The following VEPH1 variants were observed in gnomAD, a reference collection of about 807,000 sequenced individuals.
The protein encoded by VEPH1 is ventricular zone expressed PH domain containing 1.
VEPH1 carries 80 observed loss-of-function variants against 85.2 expected under a neutral mutation model. The ratio of observed to expected loss-of-function variants is 0.94; its 90% CI spans 0.78 to 1.13. VEPH1 has a LOEUF of 1.13. VEPH1 is among the 50% of genes most tolerant of loss of function. The pLI, the probability that VEPH1 is intolerant of heterozygous loss-of-function variation, is 0.00. For missense variants in VEPH1, 955 were observed against 980.5 expected (o/e 0.97, Z 0.35); for synonymous variants, 297 against 348.0 (o/e 0.85, Z 1.63).
intron 12 of VEPH1, among the ~76,000 whole-genome samples, chr3:157,267,256 C>T (rs1022415471): frequency 2.0e-5 from 3 of 151,402 alleles, no homozygotes; most frequent in Non-Finnish European, 2.9e-5. Context: ...CCACCACGCT[C>T]GGCTAAATTT....
intron 4 of VEPH1, chr3:157,443,667 A>G (rs2109252175): frequency 6.6e-6 from 1 of 152,402 alleles, no homozygotes; most frequent in South Asian, 2.1e-4. Context: ...AAAGTAGGCA[A>G]TTAGTTTTCA....
Position 157,414,107 on chromosome 3 carries a change from G to A in VEPH1, c.697-17C>T, listed in dbSNP as rs1189449891. On this transcript the variant is annotated splice_polypyrimidine_tract_variant and intron_variant, in intron 5 of 13. Coordinates refer to ENST00000362010, the MANE Select transcript of VEPH1 (RefSeq NM_001167912.2). ...CTGAACTACCTATAAAGAGAGAGGA[G>A]AGGAGGAGGGAAGAAAGAAGGAAGA... The A allele has an allele frequency of 1.3e-6, 2 of 1,543,618 alleles. No individual in the cohort carries two copies. Among genetic ancestry groups the A allele is most frequent in the Non-Finnish European group, 1.8e-6 (2 of 1,126,014 alleles).
intron 4 of VEPH1, among the ~76,000 whole-genome samples, chr3:157,458,463 T>C (rs1297271856): frequency 6.6e-6 from 1 of 152,204 alleles, no homozygotes; most frequent in Non-Finnish European, 1.5e-5. Context: ...CACTTTTTAA[T>C]GGGGCTATTT....
intron 11 of VEPH1, among the ~76,000 whole-genome samples, chr3:157,310,362 G>A (rs1357191132): frequency 3.3e-5 from 5 of 152,138 alleles, no homozygotes; most frequent in Non-Finnish European, 7.3e-5. Context: ...TGAGAGCTCT[G>A]TATTAACTCA....
At chr3:157,326,500 C>T (rs1037951323) in intron 9 of VEPH1, among the ~76,000 whole-genome samples, 14 of 152,172 alleles carry the variant, frequency 9.2e-5, no homozygotes, top group Non-Finnish European at 1.8e-4. Flanking sequence ...TCTAAATTTC[C>T]TTACCTCCCT....
In VEPH1 at chr3:157,414,894, T is replaced by G. The variant is rs576003450; in HGVS notation, c.697-804A>C. ...TTTGTTTGTTTCTTTTGTTTGTGTT[T>G]TATTTACTTTATTGATTTGTCATTT... On this transcript the variant is annotated intron_variant, in intron 5 of 13. Transcript: ENST00000362010. 1.6e-4 allele frequency among the ~76,000 whole-genome samples: 25 copies of G among 152,284 alleles called. No individual in the cohort carries two copies. In the South Asian group the frequency reaches 5.0e-3, roughly 30 times the overall value.
chr3:157,296,410 C>T (rs539156832), intron 11 of VEPH1, among the ~76,000 whole-genome samples: 32 of 152,254 alleles, frequency 2.1e-4, no homozygotes, highest in African/African-American at 7.0e-4. Flanking sequence ...AAAGGTTCTG[C>T]GTGTGTATGC....
intron 12 of VEPH1, among the ~76,000 whole-genome samples, chr3:157,266,477 G>T (rs1713662978): frequency 6.6e-6 from 1 of 152,172 alleles, no homozygotes; most frequent in South Asian, 2.1e-4. Context: ...ATTATCATTT[G>T]TAGATAGATA....
chr3:157,395,537 G>A (rs935042752), intron 6 of VEPH1, among the ~76,000 whole-genome samples: 1 of 152,148 alleles, frequency 6.6e-6, no homozygotes, highest in African/African-American at 2.4e-5. Context: ...TGGGGAAAGA[G>A]CCTGAATGGT....
chr3:157,416,443 T>G (rs557271808), intron 5 of VEPH1, among the ~76,000 whole-genome samples: 1 of 152,304 alleles, frequency 6.6e-6, no homozygotes, highest in East Asian at 1.9e-4. Flanking sequence ...AGGGAGCAAT[T>G]GTATGTCCTT....
intron 12 of VEPH1, among the ~76,000 whole-genome samples, chr3:157,284,100 T>C (rs1716477079): frequency 6.6e-6 from 1 of 152,176 alleles, no homozygotes; most frequent in African/African-American, 2.4e-5. Context: ...TCAGAATGCT[T>C]TGGGTATGGT....
chr3:157,502,272 G>C (rs1740180186), intron 1 of VEPH1, among the ~76,000 whole-genome samples: 2 of 152,140 alleles, frequency 1.3e-5, no homozygotes, highest in African/African-American at 2.4e-5. Context: ...ATTTAGTCAA[G>C]AGCCCAAAAA....
At chr3:157,463,687 T>C (rs966217297) in intron 3 of VEPH1, among the ~76,000 whole-genome samples, 1 of 152,176 alleles carries the variant, frequency 6.6e-6, no homozygotes, top group African/African-American at 2.4e-5. Context: ...TAAGGCTAAC[T>C]CACACCAAAG....
chr3:157,269,642 G>GTTTTTTTTTTTTTTTTTTTGTTTT (rs11408861), intron 12 of VEPH1, among the ~76,000 whole-genome samples: 3 of 115,458 alleles, frequency 2.6e-5, no homozygotes, highest in African/African-American at 3.3e-5. Flanking sequence ...TGTTTTTGTT[G>GTTTTTTTTTTTTTTTTTTTGTTTT]TTTTTTTTTT....
At chr3:157,311,192 C>T (rs557239620) in intron 11 of VEPH1, among the ~76,000 whole-genome samples, 1 of 152,278 alleles carries the variant, frequency 6.6e-6, no homozygotes, top group South Asian at 2.1e-4. Context: ...ATTTTTAGTT[C>T]TAAAATTCCA....
intron 4 of VEPH1, chr3:157,459,448 G>T: frequency 3.6e-6 from 1 of 276,024 alleles, no homozygotes; most frequent in Non-Finnish European, 5.9e-6. Context: ...GTGGGTTATG[G>T]CAGTAAACTG....
chr3:157,485,206 T>C (rs956332293), intron 2 of VEPH1, among the ~76,000 whole-genome samples: 3 of 152,184 alleles, frequency 2.0e-5, no homozygotes, highest in African/African-American at 7.2e-5. Context: ...TATAGTCTAG[T>C]AGTTTTGAAA....
Position 157,381,254 on chromosome 3 carries a change from G to C in VEPH1, c.1029C>G (p.Gly343=). 1 of 1,614,104 alleles carries C rather than the reference G, an allele frequency of 6.2e-7. No individual in the cohort carries two copies. Among genetic ancestry groups the C allele is most frequent in the Non-Finnish European group, 8.5e-7 (1 of 1,180,010 alleles). The part of the protein sequence containing the change: ...SITDTFSSIL[G]PQSRDIFRMS... Reference sequence around the variant, plus strand: ...TGCGGAAGATGTCTCTGCTCTGAGGGCCCAAGATTGAGGAGAAGGTGTCGG... The same window carrying C: ...TGCGGAAGATGTCTCTGCTCTGAGGCCCCAAGATTGAGGAGAAGGTGTCGG... The change falls in exon 7 of 14, where the codon GGC becomes GGG. Residue 343 remains glycine, a synonymous_variant. Coordinates refer to ENST00000362010, the MANE Select transcript of VEPH1 (RefSeq NM_001167912.2).
chr3:157,271,945 T>C (rs980941485), intron 12 of VEPH1, among the ~76,000 whole-genome samples: 1 of 152,228 alleles, frequency 6.6e-6, no homozygotes, highest in African/African-American at 2.4e-5. Context: ...TAAGTGGTAA[T>C]ATCAGCCATT....
Sources: gnomAD v4.1 joint callset for allele counts (sites outside exome capture counted in the v4.1 genomes callset) on GRCh38, gnomAD v4.1.1 for gene constraint, MANE v1.5 for transcripts, NCBI Gene and HGNC (gene_info 2026-07-23, HGNC 2026-07-21) for gene names.